Variants in CHLSN observed in about 807,000 individuals in gnomAD.
CHLSN encodes cholesin.
the CHLSN span, among the ~76,000 whole-genome samples, chr7:1,106,479 A>C: frequency 1.3e-5 from 2 of 152,200 alleles, no homozygotes; most frequent in Admixed American, 1.3e-4. Context: ...GGAGAGGGGC[A>C]GGCAGGGGCC....
chr7:1,116,756 C>T, the CHLSN span, among the ~76,000 whole-genome samples: 2 of 53,248 alleles, frequency 3.8e-5, no homozygotes, highest in African/African-American at 2.0e-4. Context: ...TACAGCTCTA[C>T]GGACAGGCTT....
chr7:1,049,862 G>A, the CHLSN span, among the ~76,000 whole-genome samples: 1 of 152,178 alleles, frequency 6.6e-6, no homozygotes, highest in African/African-American at 2.4e-5. Flanking sequence ...CCCGTGCGAG[G>A]AGCCCTGGGC....
chr7:1,011,202 A>G, the CHLSN span, among the ~76,000 whole-genome samples: 4 of 122,296 alleles, frequency 3.3e-5, no homozygotes, highest in Non-Finnish European at 3.4e-5. Context: ...ACCCACACCC[A>G]CAGACACGGA....
chr7:1,007,713 C>T, the CHLSN span, among the ~76,000 whole-genome samples: 2 of 152,144 alleles, frequency 1.3e-5, no homozygotes, highest in East Asian at 1.9e-4. Context: ...TCCTCCCACA[C>T]GCAGGACACA....
At chr7:1,032,214 C>T in the CHLSN span, among the ~76,000 whole-genome samples, 11 of 152,218 alleles carry the variant, frequency 7.2e-5, no homozygotes, top group African/African-American at 1.7e-4. Context: ...TGCCCCAACA[C>T]GTCCCTCGCA....
At chr7:1,045,549 C>T in the CHLSN span, 1 of 152,250 alleles carries the variant, frequency 6.6e-6, no homozygotes, top group Non-Finnish European at 1.5e-5. Flanking sequence ...GACCATGTTC[C>T]CAGGCTCCTC....
chr7:1,019,193 CAAAAAAA>C, the CHLSN span, among the ~76,000 whole-genome samples: 38 of 35,010 alleles, frequency 1.1e-3, no homozygotes, highest in Non-Finnish European at 1.6e-3. Context: ...GACTCTGTCT[CAAAAAAA>C]AAAAAAAAAA....
the CHLSN span, among the ~76,000 whole-genome samples, chr7:1,109,764 G>A: frequency 1.3e-5 from 2 of 151,326 alleles, no homozygotes; most frequent in African/African-American, 2.4e-5. Context: ...CTTCCCGCCC[G>A]CCGGGCCCTG....
the CHLSN span, among the ~76,000 whole-genome samples, chr7:1,135,547 A>G: frequency 2.0e-5 from 3 of 150,422 alleles, no homozygotes; most frequent in Admixed American, 6.6e-5. Context: ...CGGGGAGATC[A>G]CTTGAGGTCA....
At chr7:1,002,690 TG>T in the CHLSN span, among the ~76,000 whole-genome samples, 1 of 47,842 alleles carries the variant, frequency 2.1e-5, no homozygotes, top group Non-Finnish European at 3.6e-5. Context: ...GTCCTGCGGG[TG>T]AGTGGAGCCC....
At chr7:1,023,675 A>ACACACC in the CHLSN span, among the ~76,000 whole-genome samples, 3 of 98,558 alleles carry the variant, frequency 3.0e-5, no homozygotes, top group African/African-American at 1.1e-4. The surrounding 1 kb of genome is among the most constrained non-coding windows in gnomAD (Gnocchi z 5.0). Context: ...ACACACACAC[A>ACACACC]CACCAGCAAC....
chr7:1,031,505 G>T, the CHLSN span, among the ~76,000 whole-genome samples: 1 of 49,238 alleles, frequency 2.0e-5, no homozygotes, highest in Non-Finnish European at 4.5e-5. Context: ...AGTGGTCCGG[G>T]GGGGCAGAGA....
chr7:1,070,514 CACATGCAT>C, the CHLSN span, among the ~76,000 whole-genome samples: 2,757 of 150,952 alleles, frequency 0.018, 87 homozygotes, highest in African/African-American at 0.063. Flanking sequence ...CACACATGCA[CACATGCAT>C]ACACATACAC....
chr7:1,088,654 C>T, the CHLSN span, among the ~76,000 whole-genome samples: 131 of 152,340 alleles, frequency 8.6e-4, no homozygotes, highest in African/African-American at 3.0e-3. The surrounding 1 kb of genome is among the most constrained non-coding windows in gnomAD (Gnocchi z 4.5). Flanking sequence ...CCCTGCCCTG[C>T]GGTGCCCCAG....
chr7:1,053,133 G>A, the CHLSN span, among the ~76,000 whole-genome samples: 4 of 151,112 alleles, frequency 2.6e-5, no homozygotes, highest in African/African-American at 4.8e-5. Flanking sequence ...CAGACAGCCC[G>A]GCAGCCAGGA....
chr7:1,032,270 G>A, the CHLSN span, among the ~76,000 whole-genome samples: 2 of 152,218 alleles, frequency 1.3e-5, no homozygotes, highest in African/African-American at 4.8e-5. Flanking sequence ...ACCTGGGGCT[G>A]AGGATGAAGC....
the CHLSN span, chr7:1,092,373 G>A: frequency 6.3e-7 from 1 of 1,582,228 alleles, no homozygotes; most frequent in African/African-American, 1.3e-5. Flanking sequence ...GGGAGGTGCA[G>A]TGGCTCGAGG....
chr7:1,111,121 C>G, the CHLSN span, among the ~76,000 whole-genome samples: 1 of 152,222 alleles, frequency 6.6e-6, no homozygotes, highest in African/African-American at 2.4e-5. Context: ...TAATGTCTGG[C>G]TTGGTGCTTT....
At chr7:1,112,510 G>C in the CHLSN span, among the ~76,000 whole-genome samples, 1 of 152,308 alleles carries the variant, frequency 6.6e-6, no homozygotes, top group Non-Finnish European at 1.5e-5. Flanking sequence ...AGCCTCCTCG[G>C]ACAGGAACAC....
Sources: gnomAD v4.1 joint callset for allele counts (sites outside exome capture counted in the v4.1 genomes callset) on GRCh38, gnomAD v4.1.1 for gene constraint, Gnocchi (gnomAD v3.1) non-coding constraint, MANE v1.5 for transcripts, NCBI Gene and HGNC (gene_info 2026-07-23, HGNC 2026-07-21) for gene names.